PCDHA1: variants seen among roughly 807,000 people sequenced by gnomAD.
The protein encoded by PCDHA1 is protocadherin alpha 1, also known as protocadherin alpha-1.
In PCDHA1, 42 loss-of-function variants were observed where a neutral mutation model predicts 61.3. That is an observed-to-expected ratio of 0.69 (90% CI 0.54 to 0.89). The LOEUF (loss-of-function observed/expected upper bound fraction) is 0.89. Among genes scored for constraint, PCDHA1 ranks in the 40% least tolerant of loss-of-function variants. The probability of loss-of-function intolerance (pLI) is 0.00; values close to 1 mark genes in which losing one functional copy is unlikely to be tolerated. For synonymous variants in PCDHA1, 610 were observed against 553.8 expected (o/e 1.10, Z -1.43); for missense variants, 1,256 against 1,235.3 (o/e 1.02, Z -0.25).
chr5:140,877,987 C>A (rs1290531354), intron 1 of PCDHA1: 13 of 1,151,196 alleles, frequency 1.1e-5, no homozygotes, highest in African/African-American at 3.1e-5. Context: ...TCATTTTGAA[C>A]TTTTATGTAT....
At chr5:140,920,889 T>G (rs1488579126) in intron 1 of PCDHA1, among the ~76,000 whole-genome samples, 2 of 150,044 alleles carry the variant, frequency 1.3e-5, no homozygotes, top group African/African-American at 4.9e-5. Context: ...GAACTTAAAG[T>G]CATATTTTGG....
At chr5:140,827,714 T>G (rs1554130865) in intron 1 of PCDHA1, among the ~76,000 whole-genome samples, 1 of 152,242 alleles carries the variant, frequency 6.6e-6, no homozygotes, top group African/African-American at 2.4e-5. Flanking sequence ...CAAATATTGG[T>G]AGAAAAGTTG....
chr5:140,933,694 C>A lies in PCDHA1; in HGVS notation c.2395-45255C>A, dbSNP rs782754431. On this transcript the variant is annotated intron_variant, in intron 1 of 3. Coordinates refer to ENST00000504120, the MANE Select transcript of PCDHA1 (RefSeq NM_018900.4). ...CTCTCACATTTTTTTTCCTATTCCT[C>A]GGACACATTTACTGAGATTGGTGAT... 5.3e-5 allele frequency among the ~76,000 whole-genome samples: 8 copies of A among 151,858 alleles called. No homozygotes were observed. In the South Asian group the frequency reaches 1.7e-3, roughly 31 times the overall value.
intron 1 of PCDHA1, chr5:140,928,768 C>G: frequency 1.2e-6 from 2 of 1,614,136 alleles, no homozygotes; most frequent in Non-Finnish European, 1.7e-6. Context: ...CTTAGTTCTT[C>G]CCACTGATGC....
At chr5:140,810,286 T>C (rs574497208) in intron 1 of PCDHA1, 28 of 152,374 alleles carry the variant, frequency 1.8e-4, no homozygotes, top group African/African-American at 6.0e-4. Flanking sequence ...AATAATGCCA[T>C]CATAAATATA....
chr5:140,943,823 G>A (rs1431339857), intron 1 of PCDHA1, among the ~76,000 whole-genome samples: 3 of 152,206 alleles, frequency 2.0e-5, no homozygotes, highest in African/African-American at 7.2e-5. Flanking sequence ...AAGAAAATGA[G>A]TTGATTGAAG....
intron 1 of PCDHA1, chr5:140,848,383 C>G (rs1781483118): frequency 8.4e-7 from 1 of 1,197,254 alleles, no homozygotes; most frequent in African/African-American, 1.5e-5. Flanking sequence ...TTCTTTTTCA[C>G]TCTCTCTGTG....
At position 140,803,320 on chromosome 5, in the gene PCDHA1, C is replaced by G. The variant is rs782343160; in HGVS notation, c.2394+14636C>G. On this transcript the variant is annotated intron_variant, in intron 1 of 3. Coordinates refer to ENST00000504120, the MANE Select transcript of PCDHA1 (RefSeq NM_018900.4). Reference sequence around the variant, plus strand: ...TTGATCGTCGCCATCTGCGCGGTGTCCAGTCTGTTGGTGCTCACACTGCTG... The same window carrying G: ...TTGATCGTCGCCATCTGCGCGGTGTGCAGTCTGTTGGTGCTCACACTGCTG... 4 of 1,614,148 alleles carry G rather than the reference C, an allele frequency of 2.5e-6. No individual in the cohort carries two copies. In the South Asian group the frequency reaches 4.4e-5, roughly 18 times the overall value.
intron 1 of PCDHA1, chr5:140,805,292 A>G: frequency 7.9e-7 from 1 of 1,272,422 alleles, no homozygotes; most frequent in Non-Finnish European, 9.9e-7. Context: ...AATGGGTGAA[A>G]ATGGAATTCT....
chr5:140,836,500 C>G, intron 1 of PCDHA1: 1 of 1,613,882 alleles, frequency 6.2e-7, no homozygotes, highest in Non-Finnish European at 8.5e-7. Flanking sequence ...GCCATCTGCG[C>G]GGTGTCCAGT....
intron 3 of PCDHA1, among the ~76,000 whole-genome samples, chr5:141,007,371 TG>T (rs2098319446): frequency 7.8e-6 from 1 of 128,740 alleles, no homozygotes. Context: ...GGCAACATGA[TG>T]GAACACCATC....
At chr5:140,973,489 G>T (rs1554235344) in intron 1 of PCDHA1, among the ~76,000 whole-genome samples, 2 of 152,096 alleles carry the variant, frequency 1.3e-5, no homozygotes, top group African/African-American at 4.8e-5. Flanking sequence ...TTGGTCACAG[G>T]ACTCTTCTTC....
At chr5:140,934,738 C>T (rs1342430086) in intron 1 of PCDHA1, among the ~76,000 whole-genome samples, 1 of 152,078 alleles carries the variant, frequency 6.6e-6, no homozygotes, top group Admixed American at 6.5e-5. Flanking sequence ...TTTTAGGTGT[C>T]ATTATGAACT....
intron 1 of PCDHA1, chr5:140,830,375 G>C: frequency 6.2e-7 from 1 of 1,614,172 alleles, no homozygotes; most frequent in Non-Finnish European, 8.5e-7. Context: ...GTGCTCCGGG[G>C]AGGGCCCACC....
intron 1 of PCDHA1, chr5:140,802,554 C>A (rs781941410): frequency 6.2e-7 from 1 of 1,614,194 alleles, no homozygotes; most frequent in Admixed American, 1.7e-5. Flanking sequence ...CGACAATGCG[C>A]CGGCATTCTC....
intron 1 of PCDHA1, among the ~76,000 whole-genome samples, chr5:140,791,945 T>A (rs1250952724): frequency 1.3e-5 from 2 of 152,174 alleles, no homozygotes; most frequent in African/African-American, 2.4e-5. Context: ...AGGGTATAAT[T>A]TTAGCAATGG....
At chr5:140,794,642 C>T (rs1554119143) in intron 1 of PCDHA1, among the ~76,000 whole-genome samples, 1 of 151,920 alleles carries the variant, frequency 6.6e-6, no homozygotes, top group Non-Finnish European at 1.5e-5. Flanking sequence ...TGTTTTTTAA[C>T]CAGAGTAAAA....
chr5:140,871,668 T>G (rs2053250173), intron 1 of PCDHA1: 6 of 1,174,012 alleles, frequency 5.1e-6, no homozygotes, highest in Non-Finnish European at 7.0e-6. Context: ...CTTCAGTCTT[T>G]TAATCATATG....
Position 140,786,624 on chromosome 5 carries a change from A to G in PCDHA1, c.334A>G (p.Arg112Gly). 3 of 1,614,266 alleles carry G rather than the reference A, an allele frequency of 1.9e-6. No individual in the cohort carries two copies. The highest frequency in any genetic ancestry group is 2.5e-6 in the Non-Finnish European group (3 of 1,180,046). Residue 112 changes from arginine to glycine, a missense_variant, in exon 1 of 4, where the codon AGG becomes GGG. Physicochemically the swap from Arg to Gly is moderately radical, Grantham distance 125. Transcript: ENST00000504120. ...CSIHLELIAD[R>G]PLQVFHVEVK... Reference sequence around the variant, plus strand: ...CATCCACCTGGAGTTGATCGCCGACAGGCCGCTGCAGGTTTTCCATGTGGA... The same window carrying G: ...CATCCACCTGGAGTTGATCGCCGACGGGCCGCTGCAGGTTTTCCATGTGGA...
Sources: gnomAD v4.1 joint callset for allele counts (sites outside exome capture counted in the v4.1 genomes callset) on GRCh38, gnomAD v4.1.1 for gene constraint, MANE v1.5 for transcripts, NCBI Gene and HGNC (gene_info 2026-07-23, HGNC 2026-07-21) for gene names.